The following SLC44A3 variants were observed in gnomAD, a reference collection of about 807,000 sequenced individuals.
SLC44A3 encodes the protein solute carrier family 44 member 3.
SLC44A3 carries 74 observed loss-of-function variants against 75.4 expected under a neutral mutation model. The ratio of observed to expected loss-of-function variants is 0.98; its 90% CI spans 0.81 to 1.19. SLC44A3 has a LOEUF of 1.19. Ranked by LOEUF, SLC44A3 falls within the 50% of genes most tolerant of loss-of-function variation. The pLI, the probability that SLC44A3 is intolerant of heterozygous loss-of-function variation, is 0.00. For missense variants in SLC44A3, 700 were observed against 778.6 expected (o/e 0.90, Z 1.20); for synonymous variants, 310 against 296.9 (o/e 1.04, Z -0.45).
At chr1:94,877,704 G>A (rs1240944554) in intron 12 of SLC44A3, among the ~76,000 whole-genome samples, 2 of 152,154 alleles carry the variant, frequency 1.3e-5, no homozygotes, top group Non-Finnish European at 2.9e-5. Context: ...GTTTTGGCAA[G>A]TGGATCCAGG....
intron 14 of SLC44A3, among the ~76,000 whole-genome samples, chr1:94,893,565 G>A (rs1670453752): frequency 6.6e-6 from 1 of 151,852 alleles, no homozygotes; most frequent in African/African-American, 2.4e-5. Context: ...TAGAAGAGAC[G>A]GGGTTTCACC....
intron 10 of SLC44A3, among the ~76,000 whole-genome samples, chr1:94,860,006 C>G (rs1666382371): frequency 6.6e-6 from 1 of 152,178 alleles, no homozygotes; most frequent in African/African-American, 2.4e-5. Context: ...ACAGAGCTTC[C>G]AGGTCATTCT....
At chr1:94,838,149 A>G (rs904737648) in intron 6 of SLC44A3, among the ~76,000 whole-genome samples, 1 of 152,208 alleles carries the variant, frequency 6.6e-6, no homozygotes, top group African/African-American at 2.4e-5. Flanking sequence ...TATAAAGCAG[A>G]TTGCCAATTT....
chr1:94,877,860 G>A (rs139979996), intron 12 of SLC44A3, among the ~76,000 whole-genome samples: 254 of 152,220 alleles, frequency 1.7e-3, no homozygotes, highest in African/African-American at 5.8e-3. Flanking sequence ...TGACTTCATC[G>A]GGATGCACCC....
At chr1:94,824,459 TGGCCA>T in intron 2 of SLC44A3, 29 bp from the exon 3 acceptor site, 7 of 1,561,204 alleles carry the variant, frequency 4.5e-6, no homozygotes, top group Non-Finnish European at 6.0e-6. Flanking sequence ...CTCAGCCCTT[TGGCCA>T]GGCTCTCATA....
intron 12 of SLC44A3, among the ~76,000 whole-genome samples, chr1:94,883,299 G>A (rs899007392): frequency 3.3e-5 from 5 of 152,050 alleles, no homozygotes; most frequent in Admixed American, 6.6e-5. Context: ...TCAGGAATTC[G>A]AGACCAGCCT....
chr1:94,828,492 G>A lies in SLC44A3; in HGVS notation c.416-1G>A, dbSNP rs763372073. ...ATAATGTCTGTGTGTTCTGCTTCCA[G>A]GGTCCTTCCTGTGTGTTTATAGTTT... is the stretch of plus-strand genomic sequence containing the variant. On this transcript the variant is annotated splice_acceptor_variant, in intron 4 of 14. Transcript: ENST00000271227. LOFTEE classifies it high-confidence loss of function. 6.2e-7 allele frequency: 1 copy of A among 1,612,828 alleles called. No homozygotes were observed. Among genetic ancestry groups the A allele is most frequent in the Non-Finnish European group, 8.5e-7 (1 of 1,179,342 alleles).
rs754395637 is a variant in SLC44A3, at chr1:94,837,830, C to G, written c.629C>G (p.Ser210Trp). ...TLHRILSGIM[S>W]GRDTILGLCI... The stretch of plus-strand genomic sequence containing the variant: ...CACCGAATTCTAAGTGGAATCATGT[C>G]GGGAAGAGATACAATCCTTGGCCTG... Residue 210 changes from serine to tryptophan, a missense_variant, in exon 6 of 15, where the codon TCG (serine) becomes TGG (tryptophan). Transcript: ENST00000271227. 9 of 1,611,174 alleles carry G rather than the reference C, an allele frequency of 5.6e-6. No homozygotes were observed. Among genetic ancestry groups the G allele is most frequent in the South Asian group, 4.4e-5 (4 of 90,146 alleles).
intron 3 of SLC44A3, 32 bp from the exon 4 acceptor site, chr1:94,827,475 T>C (rs1250779224): frequency 6.2e-7 from 1 of 1,613,816 alleles, no homozygotes; most frequent in Admixed American, 1.7e-5. Context: ...AGCAATGCTC[T>C]AACACATTCT....
At chr1:94,867,547 GT>G (rs1245342497) in intron 12 of SLC44A3, 130 bp downstream of exon 12, 1 of 556,886 alleles carries the variant, frequency 1.8e-6, no homozygotes, top group African/African-American at 1.9e-5. Flanking sequence ...TTTCAGACCA[GT>G]CTCTCTGTCA....
chr1:94,883,222 C>T (rs551818835), intron 12 of SLC44A3, among the ~76,000 whole-genome samples: 241 of 151,954 alleles, frequency 1.6e-3, no homozygotes, highest in Non-Finnish European at 3.0e-3. Context: ...AAGACTAGGC[C>T]GGGTGCGGTG....
At chr1:94,843,610 C>T (rs1663980472) in intron 8 of SLC44A3, 1 of 152,172 alleles carries the variant, frequency 6.6e-6, no homozygotes, top group Non-Finnish European at 1.5e-5. Flanking sequence ...AGAGAAAGAG[C>T]ATCTCAGGCC....
intron 12 of SLC44A3, among the ~76,000 whole-genome samples, chr1:94,868,892 C>G (rs1667460700): frequency 6.6e-6 from 1 of 152,270 alleles, no homozygotes; most frequent in Admixed American, 6.5e-5. Flanking sequence ...ATACTGGCCC[C>G]TGGAAGCCTA....
At chr1:94,830,310 T>C (rs1661951290) in intron 5 of SLC44A3, among the ~76,000 whole-genome samples, 1 of 152,154 alleles carries the variant, frequency 6.6e-6, no homozygotes, top group Non-Finnish European at 1.5e-5. Flanking sequence ...TCTCCCAGGT[T>C]CAAGCAATTC....
chr1:94,852,987 TGGA>T (rs1304478780), intron 9 of SLC44A3, among the ~76,000 whole-genome samples: 1 of 152,202 alleles, frequency 6.6e-6, no homozygotes, highest in East Asian at 1.9e-4. Context: ...CTGAAGTTAG[TGGA>T]GGAGGTCCTG....
rs144471819 is a variant in SLC44A3, at chr1:94,881,597, G to A, written c.1483-9533G>A. On this transcript the variant is annotated intron_variant, in intron 12 of 14. Transcript: ENST00000271227. Reference sequence around the variant, plus strand: ...CGGGTGCCTGTAGTCCCAGCTACTCGGGAGGCTGAGGCAGGAGAATGGCGT... The same window carrying A: ...CGGGTGCCTGTAGTCCCAGCTACTCAGGAGGCTGAGGCAGGAGAATGGCGT... 3.6e-3 allele frequency among the ~76,000 whole-genome samples: 534 copies of A among 148,504 alleles called. 4 individuals carry two copies. The highest frequency in any genetic ancestry group is 0.013 in the African/African-American group (507 of 40,280).
intron 10 of SLC44A3, among the ~76,000 whole-genome samples, chr1:94,863,189 C>T (rs544334609): frequency 1.3e-5 from 2 of 152,238 alleles, no homozygotes; most frequent in African/African-American, 4.8e-5. Flanking sequence ...CACGTGATAA[C>T]CCAGCTTCTG....
At chr1:94,856,059 C>G (rs1427848041) in intron 9 of SLC44A3, among the ~76,000 whole-genome samples, 4 of 152,168 alleles carry the variant, frequency 2.6e-5, no homozygotes, top group Non-Finnish European at 5.9e-5. Context: ...AGAGCTAATT[C>G]AAGGACTTCT....
intron 7 of SLC44A3, among the ~76,000 whole-genome samples, chr1:94,840,479 G>T (rs1485376822): frequency 6.6e-6 from 1 of 151,472 alleles, no homozygotes; most frequent in African/African-American, 2.4e-5. Flanking sequence ...TTGTAGAGAC[G>T]GGGTTTTGCC....
Sources: gnomAD v4.1 joint callset for allele counts (sites outside exome capture counted in the v4.1 genomes callset) on GRCh38, gnomAD v4.1.1 for gene constraint, MANE v1.5 for transcripts, NCBI Gene and HGNC (gene_info 2026-07-23, HGNC 2026-07-21) for gene names.